The following KIAA0513 variants were observed in gnomAD, a reference collection of about 807,000 sequenced individuals.
KIAA0513 encodes uncharacterized protein KIAA0513.
Under a neutral mutation model 56.5 loss-of-function variants are expected in KIAA0513, and 39 were observed. That is an observed-to-expected ratio of 0.69 (90% CI 0.53 to 0.90). KIAA0513 has a LOEUF of 0.90. Among genes scored for constraint, KIAA0513 ranks in the 40% least tolerant of loss-of-function variants. The pLI is 0.00. For synonymous variants in KIAA0513, 268 were observed against 215.6 expected (o/e 1.24, Z -2.13); for missense variants, 591 against 535.2 (o/e 1.10, Z -1.03).
chr16:85,068,340 G>GTT (rs564228214), intron 2 of KIAA0513, among the ~76,000 whole-genome samples: 2 of 132,746 alleles, frequency 1.5e-5, no homozygotes, highest in African/African-American at 5.6e-5. Context: ...TATTTTTTTT[G>GTT]TTTTTTTTTT....
At chr16:85,066,200 G>C (rs2073478572) in intron 1 of KIAA0513, among the ~76,000 whole-genome samples, 1 of 152,190 alleles carries the variant, frequency 6.6e-6, no homozygotes, top group Admixed American at 6.5e-5. Context: ...ACGTGGCCGA[G>C]GCAGAGGCTT....
At chr16:85,035,676 T>A (rs1380650894) in intron 1 of KIAA0513, among the ~76,000 whole-genome samples, 2 of 152,092 alleles carry the variant, frequency 1.3e-5, no homozygotes, top group Non-Finnish European at 2.9e-5. Context: ...TATTTTTTAT[T>A]TCTAGTAGAA....
intron 1 of KIAA0513, chr16:85,063,278 T>G (rs896250202): frequency 1.3e-5 from 2 of 152,200 alleles, no homozygotes; most frequent in African/African-American, 4.8e-5. Flanking sequence ...ATTGATTGAT[T>G]TAGTTGTGAT....
rs759221020 is a variant in KIAA0513 at position 85,081,924 on chromosome 16, G to A, written c.980+532G>A. 2.0e-5 allele frequency among the ~76,000 whole-genome samples: 3 copies of A among 152,232 alleles called. No individual in the cohort carries two copies. Among genetic ancestry groups the A allele is most frequent in the Non-Finnish European group, 4.4e-5 (3 of 68,030 alleles). On this transcript the variant is annotated intron_variant, in intron 9 of 12. Coordinates refer to ENST00000683363, the MANE Select transcript of KIAA0513 (RefSeq NM_001388359.1). The surrounding 1 kb of genome is among the most constrained non-coding windows in gnomAD (Gnocchi z 4.4). ...GGCTGGCACCCACCCCACGGGGGCC[G>A]ATGCCATAGCAAGCAAAGCTGCCGT...
Position 85,091,124 on chromosome 16 carries a change from C to T in KIAA0513, c.*2799C>T, listed in dbSNP as rs1376535555. On this transcript the variant is annotated 3_prime_UTR_variant, in exon 13 of 13. Transcript: ENST00000683363. ...GGCAGAATGCCCAAAACCAGGAGCACGAAGGCCTGTCATCCATGGGGCCAT... is the reference window on the plus strand; with the variant it reads ...GGCAGAATGCCCAAAACCAGGAGCATGAAGGCCTGTCATCCATGGGGCCAT... 1 of 152,226 alleles carries T rather than the reference C, an allele frequency of 6.6e-6. No individual in the cohort carries two copies. Among genetic ancestry groups the T allele is most frequent in the Non-Finnish European group, 1.5e-5 (1 of 68,042 alleles). The allele number at this position is 152,226 out of a possible 1,614,324, so 9.4% of individuals were successfully genotyped here.
At chr16:85,083,425 T>TA (rs1413433300) in intron 10 of KIAA0513, among the ~76,000 whole-genome samples, 4 of 152,240 alleles carry the variant, frequency 2.6e-5, no homozygotes, top group African/African-American at 9.6e-5. Context: ...TATGCAGACT[T>TA]ACGGCTTTCA....
rs753861451 is a variant in KIAA0513, at chr16:85,067,318, A to C, written c.247A>C (p.Ser83Arg). 3 of 1,611,498 alleles carry C rather than the reference A, an allele frequency of 1.9e-6. No homozygotes were observed. The Admixed American group carries it at 5.0e-5, about 27-fold the overall frequency. ...SSNESFSSNQ[S>R]TESTQDEETL... ...CAACGAGTCCTTCTCCTCCAACCAG[A>C]GCACCGAGTCTACCCAGGATGAAGA... Residue 83 changes from serine (S) to arginine (R), a missense_variant, in exon 2 of 13, where the codon AGC (serine) becomes CGC (arginine). Coordinates refer to ENST00000683363, the MANE Select transcript of KIAA0513 (RefSeq NM_001388359.1).
chr16:85,074,767 C>T (rs1347803006), intron 4 of KIAA0513, among the ~76,000 whole-genome samples: 1 of 152,118 alleles, frequency 6.6e-6, no homozygotes, highest in Non-Finnish European at 1.5e-5. Flanking sequence ...TTTTATGAAA[C>T]ATTCTCTCAT....
chr16:85,040,908 C>T lies in KIAA0513; in HGVS notation c.-173+13050C>T, dbSNP rs141257696. On this transcript the variant is annotated intron_variant, in intron 1 of 12. Coordinates refer to ENST00000683363, the MANE Select transcript of KIAA0513 (RefSeq NM_001388359.1). ...TTAGATACGCTTGAAGCAAAACAGC[C>T]GCAGAAACCTCTTTCTTTTCGCTCA... Among the ~76,000 whole-genome samples, 531 of 152,292 alleles carry T rather than the reference C, an allele frequency of 3.5e-3. 2 individuals carry two copies. Among genetic ancestry groups the T allele is most frequent in the African/African-American group, 0.012 (505 of 41,558 alleles).
intron 1 of KIAA0513, among the ~76,000 whole-genome samples, chr16:85,052,375 GGT>G (rs2073265657): frequency 6.6e-6 from 1 of 152,010 alleles, no homozygotes; most frequent in African/African-American, 2.4e-5. Context: ...AGCCAGGCCT[GGT>G]GTCAGGCACC....
At chr16:85,087,981 C>T (rs2073828964) in intron 12 of KIAA0513, among the ~76,000 whole-genome samples, 1 of 152,258 alleles carries the variant, frequency 6.6e-6, no homozygotes, top group Admixed American at 6.5e-5. Context: ...GGCTGAGCCC[C>T]ATGACACCAT....
At chr16:85,050,375 A>C (rs1240019741) in intron 1 of KIAA0513, among the ~76,000 whole-genome samples, 1 of 142,510 alleles carries the variant, frequency 7.0e-6, no homozygotes, top group Non-Finnish European at 1.5e-5. Context: ...TTTGAGACGG[A>C]CTCTTGTTCT....
intron 9 of KIAA0513, among the ~76,000 whole-genome samples, chr16:85,082,314 C>A (rs1023201200): frequency 1.3e-5 from 2 of 152,218 alleles, no homozygotes; most frequent in East Asian, 1.9e-4. Flanking sequence ...GCCCGAGGAG[C>A]CTCGAGAGAC....
rs1416145941 is a variant in KIAA0513 at position 85,090,806 on chromosome 16, G to T, written c.*2481G>T. ...CTGTGGTCTCCTTCCGGCTGTGGCT[G>T]ACAGTGGCTCTGGCCAGGGTTGCTT... On this transcript the variant is annotated 3_prime_UTR_variant, in exon 13 of 13. Coordinates refer to ENST00000683363, the MANE Select transcript of KIAA0513 (RefSeq NM_001388359.1). 2 of 152,654 alleles carry T rather than the reference G, an allele frequency of 1.3e-5. No individual in the cohort carries two copies. Among genetic ancestry groups the T allele is most frequent in the African/African-American group, 4.8e-5 (2 of 41,474 alleles). The allele number at this position is 152,654 out of a possible 1,614,324, so 9.5% of individuals were successfully genotyped here.
intron 1 of KIAA0513, chr16:85,063,233 C>T (rs1194460803): frequency 6.6e-6 from 1 of 152,188 alleles, no homozygotes; most frequent in Non-Finnish European, 1.5e-5. Context: ...GAGGCTGGAT[C>T]AGAAATAGCC....
Position 85,086,991 on chromosome 16 carries a change from C to T in KIAA0513, c.1092-81C>T, listed in dbSNP as rs112104255. ...ACAATTCCAGGCAGGCCATGGTGGG[C>T]GTCCCAGAGACAAGGGCCCAGCTCC... On this transcript the variant is annotated intron_variant, in intron 11 of 12. Coordinates refer to ENST00000683363, the MANE Select transcript of KIAA0513 (RefSeq NM_001388359.1). 5.6e-5 allele frequency: 74 copies of T among 1,320,306 alleles called. No homozygotes were observed. The Middle Eastern group carries it at 9.2e-4, about 16-fold the overall frequency. 81.8% of individuals were successfully genotyped at this position (1,320,306 alleles called of 1,614,324 possible). A position where few individuals can be genotyped will look rare whatever the true frequency, so the allele number is the denominator to read the frequency against.
intron 1 of KIAA0513, among the ~76,000 whole-genome samples, chr16:85,060,021 C>T (rs931507362): frequency 8.5e-5 from 13 of 152,172 alleles, no homozygotes; most frequent in Admixed American, 6.5e-4. Flanking sequence ...AGTGCAGTGG[C>T]GCTATCTTGG....
chr16:85,045,556 A>T (rs1418105377), intron 1 of KIAA0513, among the ~76,000 whole-genome samples: 1 of 152,126 alleles, frequency 6.6e-6, no homozygotes, highest in African/African-American at 2.4e-5. Flanking sequence ...GGGTTTCACT[A>T]TGTTGGCCAG....
intron 1 of KIAA0513, among the ~76,000 whole-genome samples, chr16:85,055,935 G>A (rs529327284): frequency 2.0e-5 from 3 of 152,292 alleles, no homozygotes; most frequent in South Asian, 2.1e-4. Context: ...GTGGTGCTGC[G>A]GGGCAATCTG....
Sources: gnomAD v4.1 joint callset for allele counts (sites outside exome capture counted in the v4.1 genomes callset) on GRCh38, gnomAD v4.1.1 for gene constraint, Gnocchi (gnomAD v3.1) non-coding constraint, MANE v1.5 for transcripts, NCBI Gene and HGNC (gene_info 2026-07-23, HGNC 2026-07-21) for gene names.